Variants in DIPK1C observed in about 807,000 individuals in gnomAD.
DIPK1C encodes familial non-conventional Alzheimer's dementia.
In DIPK1C, 33 loss-of-function variants were observed where a neutral mutation model predicts 28.0. The ratio of observed to expected loss-of-function variants is 1.18; its 90% confidence interval spans 0.89 to 1.58. DIPK1C has a LOEUF of 1.58. Ranked by LOEUF, DIPK1C falls within the 40% of genes most tolerant of loss-of-function variation. The pLI, the probability that DIPK1C is intolerant of heterozygous loss-of-function variation, is 0.00. For missense variants in DIPK1C, 569 were observed against 568.5 expected (o/e 1.00, Z -0.01); for synonymous variants, 255 against 248.8 (o/e 1.02, Z -0.23).
chr18:74,442,248 G>C (rs1238695033), intron 2 of DIPK1C, 132 bp from the exon 3 acceptor site: 2 of 1,008,934 alleles, frequency 2.0e-6, no homozygotes, highest in African/African-American at 3.3e-5. Flanking sequence ...GAAGTCCCAA[G>C]AGCCAAGAGG....
rs1178976854 is a variant in DIPK1C, at chr18:74,447,308, AC to A, written c.199-26del. Reference sequence around the variant, plus strand: ...ACTGGAAGGAAGGGAACAGTCGGTCACCATGGGGAGGGCCTGGTGCCATCCG... The same window carrying A: ...ACTGGAAGGAAGGGAACAGTCGGTCACATGGGGAGGGCCTGGTGCCATCCG... On this transcript the variant is annotated intron_variant, in intron 1 of 3. Coordinates refer to ENST00000343998, the MANE Select transcript of DIPK1C (RefSeq NM_001044369.3). The surrounding 1 kb of genome is among the most constrained non-coding windows in gnomAD (Gnocchi z 4.1). 6.7e-7 allele frequency: 1 copy of A among 1,499,912 alleles called. No individual in the cohort carries two copies. The allele number at this position is 1,499,912 out of a possible 1,614,324, so 92.9% of individuals were successfully genotyped here. A position where few individuals can be genotyped will look rare whatever the true frequency, so the allele number is the denominator to read the frequency against.
At chr18:74,449,459 T>A (rs1986348034) in intron 1 of DIPK1C, among the ~76,000 whole-genome samples, 1 of 152,134 alleles carries the variant, frequency 6.6e-6, no homozygotes, top group Admixed American at 6.5e-5. Flanking sequence ...GCACTCCCAG[T>A]GCTTAAAAGA....
chr18:74,461,075 A>G (rs190545281), upstream of DIPK1C, among the ~76,000 whole-genome samples: 2 of 152,292 alleles, frequency 1.3e-5, no homozygotes, highest in African/African-American at 4.8e-5. Context: ...AAATGTCCAT[A>G]AGGATCCCCA....
chr18:74,452,492 C>T (rs557260473), intron 1 of DIPK1C, among the ~76,000 whole-genome samples: 4 of 151,884 alleles, frequency 2.6e-5, no homozygotes, highest in African/African-American at 9.7e-5. Flanking sequence ...GCCCGTAATC[C>T]GAGCAGTTTG....
At chr18:74,456,222 G>T (rs984913626) in intron 1 of DIPK1C, among the ~76,000 whole-genome samples, 8 of 152,202 alleles carry the variant, frequency 5.3e-5, no homozygotes, top group East Asian at 1.9e-4. Context: ...TCTCCTTTGC[G>T]CCTGAAAGAA....
At chr18:74,439,810 C>T (rs1986078303) in intron 3 of DIPK1C, among the ~76,000 whole-genome samples, 1 of 151,938 alleles carries the variant, frequency 6.6e-6, no homozygotes, top group Admixed American at 6.6e-5. Context: ...ATGAAGCGAA[C>T]CCTGTCTCTA....
Position 74,447,191 on chromosome 18 carries a change from G to C in DIPK1C, c.291C>G (p.Tyr97Ter). ...GELLFQRCLH[Y>*]NRGKKVLQAD... ...CCTGCAGCACCTTCTTGCCTCTGTT[G>C]TAGTGCAGGCAGCGTTGGAACAGCA... Residue 97 changes from tyrosine (Y) to a stop codon, truncating the protein, a stop_gained, in exon 2 of 4, where the codon TAC (tyrosine) becomes TAG (stop). Transcript: ENST00000343998. LOFTEE classifies it high-confidence loss of function. This position sits in a 1 kb window ranked among gnomAD's most constrained non-coding sequence, Gnocchi z 4.1. The C allele has an allele frequency of 2.6e-6, 4 of 1,550,552 alleles. No homozygotes were observed. Among genetic ancestry groups the C allele is most frequent in the Non-Finnish European group, 3.5e-6 (4 of 1,146,976 alleles).
upstream of DIPK1C, among the ~76,000 whole-genome samples, chr18:74,460,871 C>T (rs1383135851): frequency 6.6e-6 from 1 of 152,256 alleles, no homozygotes; most frequent in Non-Finnish European, 1.5e-5. Context: ...AGAAAGTGGG[C>T]TCAGCCCTCC....
chr18:74,445,071 C>G (rs1238195419), intron 2 of DIPK1C, among the ~76,000 whole-genome samples: 1 of 152,184 alleles, frequency 6.6e-6, no homozygotes, highest in African/African-American at 2.4e-5. Flanking sequence ...CTGGGTCCCA[C>G]TCATTGATGC....
chr18:74,437,252 A>G (rs539103818), intron 3 of DIPK1C, among the ~76,000 whole-genome samples: 4 of 152,236 alleles, frequency 2.6e-5, no homozygotes, highest in Non-Finnish European at 4.4e-5. Flanking sequence ...GGCTGCCTGT[A>G]TAGCACTTTA....
At chr18:74,451,287 G>A (rs1438691150) in intron 1 of DIPK1C, among the ~76,000 whole-genome samples, 2 of 152,140 alleles carry the variant, frequency 1.3e-5, no homozygotes, top group Non-Finnish European at 2.9e-5. Context: ...GCTGGGCTGC[G>A]CTATTCGAAA....
At chr18:74,441,338 A>G (rs770421048) in intron 3 of DIPK1C, among the ~76,000 whole-genome samples, 2 of 152,044 alleles carry the variant, frequency 1.3e-5, no homozygotes, top group Non-Finnish European at 2.9e-5. Flanking sequence ...ATCCTCCCTC[A>G]CCTGAGAGCC....
intron 3 of DIPK1C, 83 bp from the exon 4 acceptor site, chr18:74,436,802 A>G: frequency 5.3e-6 from 7 of 1,320,694 alleles, no homozygotes; most frequent in Non-Finnish European, 7.2e-6. Context: ...GTTCTGAAAC[A>G]GATTTCAGCT....
At chr18:74,455,889 A>G (rs2144532932) in intron 1 of DIPK1C, among the ~76,000 whole-genome samples, 1 of 152,348 alleles carries the variant, frequency 6.6e-6, no homozygotes, top group Admixed American at 6.5e-5. Context: ...AATTAGGAGC[A>G]TAACTTGTCT....
At chr18:74,442,474 G>A (rs1048644830) in intron 2 of DIPK1C, among the ~76,000 whole-genome samples, 62 of 152,080 alleles carry the variant, frequency 4.1e-4, no homozygotes, top group Non-Finnish European at 6.2e-4. Flanking sequence ...GACTACAGGT[G>A]CCCACCACCA....
At chr18:74,444,010 A>G (rs7233464) in intron 2 of DIPK1C, among the ~76,000 whole-genome samples, 128,388 of 151,704 alleles carry the variant, frequency 0.85, 56,542 homozygotes, top group Non-Finnish European at 0.97. Context: ...CAGCTGTTAT[A>G]AACATAACCC....
At chr18:74,446,561 G>A (rs2144521105) in intron 2 of DIPK1C, 45 bp downstream of exon 2, 1 of 1,378,046 alleles carries the variant, frequency 7.3e-7, no homozygotes, top group Middle Eastern at 1.9e-4. Flanking sequence ...CCAGACCCGA[G>A]AGCTCCGTTC....
intron 1 of DIPK1C, among the ~76,000 whole-genome samples, chr18:74,455,392 C>G (rs1337713256): frequency 6.6e-6 from 1 of 152,088 alleles, no homozygotes; most frequent in African/African-American, 2.4e-5. Context: ...ATTAGTCTAT[C>G]AGCACTCCCT....
chr18:74,458,317 C>T (rs1986564038), upstream of DIPK1C, among the ~76,000 whole-genome samples: 1 of 152,202 alleles, frequency 6.6e-6, no homozygotes, highest in African/African-American at 2.4e-5. Context: ...TACGTGCCAG[C>T]CCATCCCGGA....
Sources: allele counts gnomAD v4.1 joint callset (sites outside exome capture counted in the v4.1 genomes callset), GRCh38; gene constraint gnomAD v4.1.1; non-coding constraint Gnocchi (gnomAD v3.1); transcripts MANE v1.5; gene names NCBI Gene and HGNC (gene_info 2026-07-23, HGNC 2026-07-21).